Variants in OR9K2 observed in about 807,000 individuals in gnomAD.
OR9K2 encodes olfactory receptor family 9 subfamily K member 2.
A neutral mutation model predicts 12.4 loss-of-function variants in OR9K2; 16 were observed. That is an observed-to-expected ratio of 1.29 (90% CI 0.87 to 1.95). The LOEUF (loss-of-function observed/expected upper bound fraction) is 1.95, where lower values mean the gene tolerates loss of function less well. Ranked by LOEUF, OR9K2 falls within the 30% of genes most tolerant of loss-of-function variation. OR9K2 has a pLI of 0.00. For synonymous variants in OR9K2, 133 were observed against 133.2 expected (o/e 1.00, Z 0.01); for missense variants, 434 against 376.5 (o/e 1.15, Z -1.26).
chr12:55,130,670 A>C lies in OR9K2; in HGVS notation c.836A>C (p.Tyr279Ser), dbSNP rs1432952177. 6 of 1,612,428 alleles carry C rather than the reference A, an allele frequency of 3.7e-6. No homozygotes were observed. The highest frequency in any genetic ancestry group is 5.1e-6 in the Non-Finnish European group (6 of 1,179,018). Reference protein sequence around the residue: ...PELSKVASLCYSLVTPMLNPL... With the variant: ...PELSKVASLCSSLVTPMLNPL... ...CTGAGTAAAGTGGCATCCTTATGTT[A>C]CTCCCTAGTCACTCCCATGTTGAAT... Residue 279 changes from tyrosine to serine, a missense_variant, in exon 3 of 3, where the codon TAC (tyrosine) becomes TCC (serine). Tyr to Ser is a moderately radical substitution (Grantham distance 144). Transcript: ENST00000641329.
chr12:55,127,164 G>T (rs1953434922), intron 2 of OR9K2, among the ~76,000 whole-genome samples: 1 of 151,108 alleles, frequency 6.6e-6, no homozygotes, highest in Non-Finnish European at 1.5e-5. Context: ...AATATGTATT[G>T]AATTATTGTC....
At position 55,129,996 on chromosome 12, in the gene OR9K2, T is replaced by G; in HGVS notation, c.162T>G (p.Thr54=). 6.2e-7 allele frequency: 1 copy of G among 1,613,978 alleles called. No homozygotes were observed. The highest frequency in any genetic ancestry group is 1.1e-5 in the South Asian group (1 of 91,078). Residue 54 remains threonine (T), a synonymous_variant, in exon 3 of 3, where the codon ACT becomes ACG. Coordinates refer to ENST00000641329, the MANE Select transcript of OR9K2 (RefSeq NM_001005243.2). ...GNVGMMTIIM[T]DPRLNTPMYF... ...TTGGGATGATGACCATTATTATGAC[T>G]GATCCTCGGCTGAACACACCAATGT...
chr12:55,129,714 A>G, intron 2 of OR9K2, 112 bp from the exon 3 acceptor site: 1 of 1,299,290 alleles, frequency 7.7e-7, no homozygotes, highest in East Asian at 2.3e-5. Flanking sequence ...AATTAATAAT[A>G]ACATTAATTT....
At position 55,130,301 on chromosome 12, in the gene OR9K2, G is replaced by A; in HGVS notation, c.467G>A (p.Cys156Tyr). ...GTGGCTGGTTCCTATTTTTGTGGCTGCATTAGCTCAGTTATTCAGACTAGC... is the reference window on the plus strand; with the variant it reads ...GTGGCTGGTTCCTATTTTTGTGGCTACATTAGCTCAGTTATTCAGACTAGC... The part of the protein sequence containing the change: ...QLVAGSYFCG[C>Y]ISSVIQTSMT... Residue 156 changes from cysteine (C) to tyrosine (Y), a missense_variant, in exon 3 of 3, where the codon TGC becomes TAC. Physicochemically the swap from Cys to Tyr is radical, Grantham distance 194 (BLOSUM62 -2). Transcript: ENST00000641329. The A allele has an allele frequency of 6.2e-7, 1 of 1,613,936 alleles. No homozygotes were observed. The highest frequency in any genetic ancestry group is 8.5e-7 in the Non-Finnish European group (1 of 1,179,962).
rs1953432791 is a variant in OR9K2 at position 55,126,906 on chromosome 12, T to C, written c.-15T>C. ...CAGAATCTGACCAGTTACTAAACAA[T>C]ACAAGGTAAAAGTAACTTAAAACCT... On this transcript the variant is annotated 5_prime_UTR_variant, in exon 2 of 3. Transcript: ENST00000641329. 6.6e-6 allele frequency: 1 copy of C among 152,090 alleles called. No homozygotes were observed. Among genetic ancestry groups the C allele is most frequent in the Non-Finnish European group, 1.5e-5 (1 of 67,950 alleles). The allele number at this position is 152,090 out of a possible 1,614,324, so 9.4% of individuals were successfully genotyped here. A position where few individuals can be genotyped will look rare whatever the true frequency, so the allele number is the denominator to read the frequency against.
Position 55,129,807 on chromosome 12 carries a change from G to T in OR9K2, c.-9-19G>T, listed in dbSNP as rs1953454908. 2 of 1,602,702 alleles carry T rather than the reference G, an allele frequency of 1.2e-6. No individual in the cohort carries two copies. The highest frequency in any genetic ancestry group is 1.1e-5 in the South Asian group (1 of 90,750). ...AACCAAGAGTTCATTTGTATATTTT[G>T]CCCTGTGCCTCTCAACAGGTTTCTA... On this transcript the variant is annotated intron_variant, in intron 2 of 2. Transcript: ENST00000641329.
rs1432912806 is a variant in OR9K2, at chr12:55,130,614, T to C, written c.780T>C (p.Phe260=). 2.5e-6 allele frequency: 4 copies of C among 1,614,002 alleles called. No individual in the cohort carries two copies. Among genetic ancestry groups the C allele is most frequent in the Middle Eastern group, 1.7e-4 (1 of 6,058 alleles). Reference sequence around the variant, plus strand: ...GTGTGCTGTATGGTGCTGTCTTTTTTATGTATCTCACTCCTGACAGATTTC... The same window carrying C: ...GTGTGCTGTATGGTGCTGTCTTTTTCATGTATCTCACTCCTGACAGATTTC... The part of the protein sequence containing the change: ...VVSVLYGAVF[F]MYLTPDRFPE... Residue 260 remains phenylalanine, a synonymous_variant, in exon 3 of 3, where the codon TTT becomes TTC. Coordinates refer to ENST00000641329, the MANE Select transcript of OR9K2 (RefSeq NM_001005243.2).
At chr12:55,128,842 A>G (rs191177508) in intron 2 of OR9K2, among the ~76,000 whole-genome samples, 6 of 152,310 alleles carry the variant, frequency 3.9e-5, no homozygotes, top group Non-Finnish European at 2.9e-5. Flanking sequence ...CCTTTGCAGT[A>G]TTAATTCCTA....
At position 55,130,747 on chromosome 12, in the gene OR9K2, T is replaced by A; in HGVS notation, c.913T>A (p.Phe305Ile). 1 of 1,568,060 alleles carries A rather than the reference T, an allele frequency of 6.4e-7. No individual in the cohort carries two copies. Among genetic ancestry groups the A allele is most frequent in the Non-Finnish European group, 8.7e-7 (1 of 1,154,596 alleles). ...NKDVQEALKK[F>I]LEKKNIIL ...AGATGTCCAAGAGGCTCTAAAAAAA[T>A]TTCTAGAGAAGAAAAATATTATTCT... Residue 305 changes from phenylalanine to isoleucine, a missense_variant, in exon 3 of 3, where the codon TTT becomes ATT. By Grantham distance (21) the Phe-to-Ile change is conservative. Coordinates refer to ENST00000641329, the MANE Select transcript of OR9K2 (RefSeq NM_001005243.2).
At position 55,131,252 on chromosome 12, in the gene OR9K2, T is replaced by C. The variant is rs916918284; in HGVS notation, c.*476T>C. 1 of 153,558 alleles carries C rather than the reference T, an allele frequency of 6.5e-6. No individual in the cohort carries two copies. The highest frequency in any genetic ancestry group is 1.4e-5 in the Non-Finnish European group (1 of 69,048). 9.5% of individuals were successfully genotyped at this position (153,558 alleles called of 1,614,324 possible). On this transcript the variant is annotated 3_prime_UTR_variant, in exon 3 of 3. Coordinates refer to ENST00000641329, the MANE Select transcript of OR9K2 (RefSeq NM_001005243.2). ...TAGCATGCTAAATGAGTATTCAGTT[T>C]TCACCTTATGTGTGCTAGATAGGAA...
rs1453898283 is a variant in OR9K2, at chr12:55,130,134, T to A, written c.300T>A (p.Cys100Ter). Reference sequence around the variant, plus strand: ...ACAAGTCTATCTCCTTTGCAGGCTGTGTGGCCCAGCTCTTTCTCTTTGCCC... The same window carrying A: ...ACAAGTCTATCTCCTTTGCAGGCTGAGTGGCCCAGCTCTTTCTCTTTGCCC... ...SENKSISFAGCVAQLFLFALL... is the reference protein window; with the variant it reads ...SENKSISFAG Residue 100 changes from cysteine to a stop codon, truncating the protein, a stop_gained, in exon 3 of 3, where the codon TGT (cysteine) becomes TGA (stop). Transcript: ENST00000641329. LOFTEE classifies it high-confidence loss of function. 1 of 1,613,832 alleles carries A rather than the reference T, an allele frequency of 6.2e-7. No homozygotes were observed. The highest frequency in any genetic ancestry group is 8.5e-7 in the Non-Finnish European group (1 of 1,180,014).
rs910393913 is a variant in OR9K2, at chr12:55,131,891, T to G, written c.*1115T>G. On this transcript the variant is annotated 3_prime_UTR_variant, in exon 3 of 3. Coordinates refer to ENST00000641329, the MANE Select transcript of OR9K2 (RefSeq NM_001005243.2). Reference sequence around the variant, plus strand: ...ATATTGATGTGGGCTCAATGGTATGTCGATATTAATGAACAAAGGCAGATT... The same window carrying G: ...ATATTGATGTGGGCTCAATGGTATGGCGATATTAATGAACAAAGGCAGATT... 1 of 152,184 alleles carries G rather than the reference T, an allele frequency of 6.6e-6. No individual in the cohort carries two copies. Among genetic ancestry groups the G allele is most frequent in the African/African-American group, 2.4e-5 (1 of 41,440 alleles). The allele number at this position is 152,184 out of a possible 1,614,324, so 9.4% of individuals were successfully genotyped here. A position where few individuals can be genotyped will look rare whatever the true frequency, so the allele number is the denominator to read the frequency against.
Position 55,130,852 on chromosome 12 carries a change from C to A in OR9K2, c.*76C>A. The A allele has an allele frequency of 1.2e-6, 1 of 830,514 alleles. No homozygotes were observed. Among genetic ancestry groups the A allele is most frequent in the Non-Finnish European group, 1.8e-6 (1 of 540,986 alleles). The allele number at this position is 830,514 out of a possible 1,614,324, so 51.4% of individuals were successfully genotyped here. ...TGTGTTCATTAATAAAAGTTACTCT[C>A]CCGAATGTCATAAAAATACTCTTAG... On this transcript the variant is annotated 3_prime_UTR_variant, in exon 3 of 3. Transcript: ENST00000641329.
chr12:55,130,450 T>C lies in OR9K2; in HGVS notation c.616T>C (p.Ser206Pro), dbSNP rs1329904233. 2 of 1,613,540 alleles carry C rather than the reference T, an allele frequency of 1.2e-6. No individual in the cohort carries two copies. Among genetic ancestry groups the C allele is most frequent in the African/African-American group, 1.3e-5 (1 of 74,908 alleles). The part of the protein sequence containing the change: ...FIHRMISFSL[S>P]CIIILPTIIV... ...CCATAGAATGATATCTTTTTCCTTA[T>C]CATGTATTATTATCTTGCCTACTAT... The change falls in exon 3 of 3, where the codon TCA (serine) becomes CCA (proline). Residue 206 changes from serine to proline, a missense_variant. Transcript: ENST00000641329.
In OR9K2 at chr12:55,130,584, T is replaced by C. The variant is rs760472366; in HGVS notation, c.750T>C (p.Val250=). The C allele has an allele frequency of 1.2e-6, 2 of 1,613,722 alleles. No individual in the cohort carries two copies. The highest frequency in any genetic ancestry group is 2.7e-5 in the African/African-American group (2 of 74,886). The change falls in exon 3 of 3, where the codon GTT becomes GTC. Residue 250 remains valine, a synonymous_variant. Coordinates refer to ENST00000641329, the MANE Select transcript of OR9K2 (RefSeq NM_001005243.2). ...CCACCTGCAGCTCTCACCTGGGAGT[T>C]GTGAGTGTGCTGTATGGTGCTGTCT... ...AFSTCSSHLG[V]VSVLYGAVFF...
rs779616296 is a variant in OR9K2 at position 55,130,287 on chromosome 12, C to T, written c.453C>T (p.Ser151=). ...TGTGTACTCAGTTGGTGGCTGGTTC[C>T]TATTTTTGTGGCTGCATTAGCTCAG... ...TRLCTQLVAG[S]YFCGCISSVI... The change falls in exon 3 of 3, where the codon TCC becomes TCT. Residue 151 remains serine, a synonymous_variant. Transcript: ENST00000641329. 1.2e-6 allele frequency: 2 copies of T among 1,613,880 alleles called. No homozygotes were observed. Among genetic ancestry groups the T allele is most frequent in the African/African-American group, 1.3e-5 (1 of 74,888 alleles).
In OR9K2 at chr12:55,130,719, C is replaced by T; in HGVS notation, c.885C>T (p.Asn295=). The T allele has an allele frequency of 6.2e-7, 1 of 1,608,106 alleles. No individual in the cohort carries two copies. Among genetic ancestry groups the T allele is most frequent in the East Asian group, 2.2e-5 (1 of 44,866 alleles). ...ATCCTTTGATTTACTCTCTGAGGAA[C>T]AAAGATGTCCAAGAGGCTCTAAAAA... ...MLNPLIYSLR[N]KDVQEALKKF... is the part of the protein sequence containing the mutation. Residue 295 remains asparagine, a synonymous_variant, in exon 3 of 3, where the codon AAC becomes AAT. Transcript: ENST00000641329.
rs1455970305 is a variant in OR9K2, at chr12:55,132,038, A to C, written c.*1262A>C. On this transcript the variant is annotated 3_prime_UTR_variant, in exon 3 of 3. Transcript: ENST00000641329. ...GTGTGCATGGTCATGGTCTGAATAG[A>C]TAAAAAGTATAGGAGCTCTCAGAAA... 2.0e-5 allele frequency: 3 copies of C among 152,206 alleles called. No homozygotes were observed. The highest frequency in any genetic ancestry group is 7.2e-5 in the African/African-American group (3 of 41,464). The allele number at this position is 152,206 out of a possible 1,614,324, so 9.4% of individuals were successfully genotyped here. A position where few individuals can be genotyped will look rare whatever the true frequency, so the allele number is the denominator to read the frequency against.
At position 55,130,749 on chromosome 12, in the gene OR9K2, T is replaced by G. The variant is rs758434416; in HGVS notation, c.915T>G (p.Phe305Leu). ...NKDVQEALKK[F>L]LEKKNIIL ...ATGTCCAAGAGGCTCTAAAAAAATT[T>G]CTAGAGAAGAAAAATATTATTCTTT... is the stretch of plus-strand genomic sequence containing the variant. Residue 305 changes from phenylalanine to leucine, a missense_variant, in exon 3 of 3, where the codon TTT (phenylalanine) becomes TTG (leucine). Physicochemically the swap from Phe to Leu is conservative, Grantham distance 22 (BLOSUM62 0). Coordinates refer to ENST00000641329, the MANE Select transcript of OR9K2 (RefSeq NM_001005243.2). 3.2e-6 allele frequency: 5 copies of G among 1,565,728 alleles called. No individual in the cohort carries two copies. The South Asian group carries it at 5.9e-5, about 18-fold the overall frequency.
Sources: allele counts gnomAD v4.1 joint callset (sites outside exome capture counted in the v4.1 genomes callset), GRCh38; gene constraint gnomAD v4.1.1; transcripts MANE v1.5; gene names NCBI Gene and HGNC (gene_info 2026-07-23, HGNC 2026-07-21).